MATN2: variants seen among roughly 807,000 people sequenced by gnomAD.
MATN2 encodes matrilin 2.
A neutral mutation model predicts 103.2 loss-of-function variants in MATN2; 69 were observed. The ratio of observed to expected loss-of-function variants is 0.67; its 90% CI spans 0.55 to 0.82. The LOEUF (loss-of-function observed/expected upper bound fraction) is 0.82. MATN2 is among the 40% of genes least tolerant of loss of function. The pLI, the probability that MATN2 is intolerant of heterozygous loss-of-function variation, is 0.00. For synonymous variants in MATN2, 429 were observed against 450.2 expected (o/e 0.95, Z 0.60); for missense variants, 1,023 against 1,211.5 (o/e 0.84, Z 2.31).
At position 97,888,154 on chromosome 8, in the gene MATN2, C is replaced by T. The variant is rs549943812; in HGVS notation, c.54C>T (p.Leu18=). The T allele has an allele frequency of 7.5e-6, 12 of 1,609,540 alleles. No homozygotes were observed. Among genetic ancestry groups the T allele is most frequent in the Middle Eastern group, 1.7e-4 (1 of 6,030 alleles). ...TGCTGATCCTCGGACAGATCGTCCT[C>T]CTCCCTGCCGAGGCCAGGGAGCGGT... ...CFLLILGQIV[L]LPAEARERSR... The change falls in exon 2 of 19, where the codon CTC becomes CTT. Residue 18 remains leucine (L), a synonymous_variant. Transcript: ENST00000254898.
At chr8:97,879,295 C>T (rs780654396) in intron 1 of MATN2, among the ~76,000 whole-genome samples, 26 of 152,262 alleles carry the variant, frequency 1.7e-4, no homozygotes, top group African/African-American at 4.6e-4. Context: ...GGAGGCGCCC[C>T]GCTATGACAA....
At chr8:98,000,642 A>C (rs2130372166) in intron 7 of MATN2, among the ~76,000 whole-genome samples, 1 of 151,826 alleles carries the variant, frequency 6.6e-6, no homozygotes, top group South Asian at 2.1e-4. Flanking sequence ...CATATCTTGC[A>C]GGGTCAAATG....
intron 15 of MATN2, 30 bp downstream of exon 15, chr8:98,030,644 A>C (rs748492619): frequency 6.3e-7 from 1 of 1,598,178 alleles, no homozygotes; most frequent in Non-Finnish European, 8.5e-7. Context: ...AGACCTTAGC[A>C]AACAAGGCAG....
At chr8:97,952,794 T>A (rs1368451834) in intron 4 of MATN2, among the ~76,000 whole-genome samples, 1 of 152,176 alleles carries the variant, frequency 6.6e-6, no homozygotes, top group African/African-American at 2.4e-5. Context: ...CAGGTCTTTT[T>A]GTTATGAAAT....
intron 1 of MATN2, among the ~76,000 whole-genome samples, chr8:97,873,895 TGA>T (rs1374514537): frequency 6.6e-6 from 1 of 152,188 alleles, no homozygotes; most frequent in Non-Finnish European, 1.5e-5. Flanking sequence ...CTCAAAGTAC[TGA>T]GATTATAGGC....
chr8:98,015,473 CCTT>C (rs34123269), intron 10 of MATN2, among the ~76,000 whole-genome samples: 17,634 of 152,206 alleles, frequency 0.12, 1,057 homozygotes, highest in East Asian at 0.19. Context: ...ACAGTGGTCT[CCTT>C]GCCTTTCCTG....
In MATN2 at chr8:97,890,620, C is replaced by A. The variant is rs180727992; in HGVS notation, c.142+2378C>A. Among the ~76,000 whole-genome samples the A allele has an allele frequency of 5.1e-3, 777 of 152,136 alleles. 10 individuals carry two copies. Among genetic ancestry groups the A allele is most frequent in the African/African-American group, 0.018 (730 of 41,478 alleles). ...AAAGCATGCTCATTGGTAGTCCTTG[C>A]CCCGAGGGTATGACCTTCTCTTCAT... On this transcript the variant is annotated intron_variant, in intron 2 of 18. Coordinates refer to ENST00000254898, the MANE Select transcript of MATN2 (RefSeq NM_002380.5).
chr8:98,018,018 A>G lies in MATN2; in HGVS notation c.1721A>G (p.Asp574Gly). The change falls in exon 12 of 19, where the codon GAC (aspartate) becomes GGC (glycine). Residue 574 changes from aspartate (D) to glycine (G), a missense_variant. Asp to Gly is a moderately conservative substitution (Grantham distance 94). Coordinates refer to ENST00000254898, the MANE Select transcript of MATN2 (RefSeq NM_002380.5). The stretch of plus-strand genomic sequence containing the variant: ...GGGAAAGATGTCTGCCAAGCTATAG[A>G]CCATGGCTGTGAACACATTTGTGTG... ...CRRKDVCQAI[D>G]HGCEHICVNS... 1 of 1,613,752 alleles carries G rather than the reference A, an allele frequency of 6.2e-7. No homozygotes were observed. The highest frequency in any genetic ancestry group is 8.5e-7 in the Non-Finnish European group (1 of 1,179,720).
At chr8:97,901,362 G>A (rs1818976945) in intron 2 of MATN2, among the ~76,000 whole-genome samples, 1 of 151,744 alleles carries the variant, frequency 6.6e-6, no homozygotes, top group African/African-American at 2.4e-5. Flanking sequence ...CAGCGATTCT[G>A]CTGCCTCAGC....
At chr8:98,010,284 G>A (rs115741004) in intron 10 of MATN2, among the ~76,000 whole-genome samples, 1,586 of 152,126 alleles carry the variant, frequency 0.01, 16 homozygotes, top group African/African-American at 0.036. Flanking sequence ...GCTCTGCTGG[G>A]GCCTCTCTGC....
chr8:97,964,876 G>C (rs376138499), intron 5 of MATN2, among the ~76,000 whole-genome samples: 1 of 152,050 alleles, frequency 6.6e-6, no homozygotes. Flanking sequence ...TGGGACCACA[G>C]GTGCATACCA....
At chr8:97,909,528 T>C (rs1381513746) in intron 2 of MATN2, among the ~76,000 whole-genome samples, 1 of 152,168 alleles carries the variant, frequency 6.6e-6, no homozygotes, top group Non-Finnish European at 1.5e-5. Flanking sequence ...AGGTGACTCT[T>C]CTTCACATAC....
intron 2 of MATN2, among the ~76,000 whole-genome samples, chr8:97,907,946 T>G (rs776889873): frequency 1.1e-4 from 17 of 152,314 alleles, no homozygotes; most frequent in Non-Finnish European, 2.2e-4. Flanking sequence ...GAGACCAGCC[T>G]GACCAATCTG....
intron 3 of MATN2, among the ~76,000 whole-genome samples, chr8:97,939,471 C>T (rs1810482066): frequency 2.0e-5 from 3 of 152,136 alleles, no homozygotes; most frequent in Non-Finnish European, 4.4e-5. Flanking sequence ...CAGAGTGGCT[C>T]CTTGTTCAAC....
chr8:97,975,890 A>G (rs1345302390), intron 5 of MATN2, among the ~76,000 whole-genome samples: 1 of 152,102 alleles, frequency 6.6e-6, no homozygotes, highest in Non-Finnish European at 1.5e-5. Context: ...GATTCTTTTG[A>G]TGATCCCTTG....
At chr8:98,032,057 T>C (rs921547990) in intron 15 of MATN2, 189 bp from the exon 16 acceptor site, 8 of 441,732 alleles carry the variant, frequency 1.8e-5, no homozygotes, top group African/African-American at 8.1e-5. Context: ...CGAGAGAGAA[T>C]TGCCCTAGAG....
At chr8:97,951,489 GCAGGTTC>G (rs1016872799) in intron 4 of MATN2, among the ~76,000 whole-genome samples, 1 of 152,148 alleles carries the variant, frequency 6.6e-6, no homozygotes, top group African/African-American at 2.4e-5. Flanking sequence ...TACTAGAAAT[GCAGGTTC>G]CCAGGCTTAC....
rs376930844 is a variant in MATN2 at position 97,995,219 on chromosome 8, C to A, written c.1204+617C>A. 2.0e-5 allele frequency among the ~76,000 whole-genome samples: 3 copies of A among 152,256 alleles called. No homozygotes were observed. In the East Asian group the frequency reaches 5.8e-4, roughly 29 times the overall value. On this transcript the variant is annotated intron_variant, in intron 7 of 18. Coordinates refer to ENST00000254898, the MANE Select transcript of MATN2 (RefSeq NM_002380.5). ...AAGACAAACCATTCCTGAGAGACTG[C>A]TAGAATGGACGGCCCACAAGGACAG...
intron 4 of MATN2, among the ~76,000 whole-genome samples, chr8:97,950,491 C>T (rs1218131722): frequency 1.3e-5 from 2 of 152,122 alleles, no homozygotes; most frequent in African/African-American, 4.8e-5. Context: ...TCATTCAATA[C>T]CTGTGGATTC....
Sources: gnomAD v4.1 joint callset for allele counts (sites outside exome capture counted in the v4.1 genomes callset) on GRCh38, gnomAD v4.1.1 for gene constraint, MANE v1.5 for transcripts, NCBI Gene and HGNC (gene_info 2026-07-23, HGNC 2026-07-21) for gene names.